Variants in XKR6 observed in about 807,000 individuals in gnomAD.
XKR6 encodes the protein XK related 6.
A neutral mutation model predicts 56.7 loss-of-function variants in XKR6; 22 were observed. The ratio of observed to expected loss-of-function variants is 0.39; its 90% CI spans 0.28 to 0.55. The LOEUF (loss-of-function observed/expected upper bound fraction) is 0.55, where lower values mean the gene tolerates loss of function less well. Ranked by LOEUF, XKR6 falls within the 20% of genes least tolerant of loss-of-function variation. The pLI, the probability that XKR6 is intolerant of heterozygous loss-of-function variation, is 0.66. For missense variants in XKR6, 852 were observed against 889.0 expected (o/e 0.96, Z 0.53); for synonymous variants, 524 against 387.8 (o/e 1.35, Z -4.13).
intron 1 of XKR6, among the ~76,000 whole-genome samples, chr8:11,027,893 C>A (rs899009825): frequency 6.6e-6 from 1 of 152,170 alleles, no homozygotes; most frequent in African/African-American, 2.4e-5. Flanking sequence ...CCTCTCCTCC[C>A]CCATTATCAA....
In XKR6 at chr8:10,921,514, A is replaced by G. The variant is rs1206570373; in HGVS notation, c.961+3120T>C. Among the ~76,000 whole-genome samples, 12 of 152,348 alleles carry G rather than the reference A, an allele frequency of 7.9e-5. No homozygotes were observed. In the East Asian group the frequency reaches 1.9e-3, roughly 25 times the overall value. ...TGCCCGTGGAGTTTGAAAGTTTACA[A>G]AGTGCTCTCTTGTGCATTATATCAT... On this transcript the variant is annotated intron_variant, in intron 2 of 2. Coordinates refer to ENST00000416569, the MANE Select transcript of XKR6 (RefSeq NM_173683.4).
At chr8:11,163,546 A>C (rs1715512423) in intron 1 of XKR6, among the ~76,000 whole-genome samples, 1 of 152,248 alleles carries the variant, frequency 6.6e-6, no homozygotes, top group Non-Finnish European at 1.5e-5. Flanking sequence ...CGACAAAATG[A>C]AGTCCTACAA....
intron 1 of XKR6, among the ~76,000 whole-genome samples, chr8:11,061,512 CTG>C (rs1245246793): frequency 2.0e-5 from 3 of 152,058 alleles, no homozygotes; most frequent in Non-Finnish European, 4.4e-5. Flanking sequence ...GGAACAGACA[CTG>C]TGACTAAAAG....
chr8:11,037,736 T>G (rs1169256987), intron 1 of XKR6, among the ~76,000 whole-genome samples: 1 of 151,970 alleles, frequency 6.6e-6, no homozygotes, highest in Non-Finnish European at 1.5e-5. Flanking sequence ...CGTGCGCCTG[T>G]AATCCCAGCT....
chr8:11,150,144 G>T (rs750571758), intron 1 of XKR6, among the ~76,000 whole-genome samples: 1 of 152,240 alleles, frequency 6.6e-6, no homozygotes, highest in Admixed American at 6.5e-5. Context: ...CGGTTAGAAG[G>T]TGTAAGTTCC....
At chr8:11,007,646 T>C (rs892419719) in intron 1 of XKR6, among the ~76,000 whole-genome samples, 1 of 151,732 alleles carries the variant, frequency 6.6e-6, no homozygotes, top group Non-Finnish European at 1.5e-5. Context: ...CAAAGCACAC[T>C]CGGTGGAAGA....
At position 10,924,968 on chromosome 8, in the gene XKR6, G is replaced by A. The variant is rs568405243; in HGVS notation, c.765-138C>T. ...CTCTGAAGTTCCCAGAGGCTTGGAC[G>A]GGGCTCTGGGGGGCTCCCGGCAAAA... On this transcript the variant is annotated intron_variant, in intron 1 of 2. Transcript: ENST00000416569. The A allele has an allele frequency of 8.4e-4, 712 of 846,220 alleles. 10 individuals are homozygous for A. The South Asian group carries it at 0.011, about 13-fold the overall frequency. 52.4% of individuals were successfully genotyped at this position (846,220 alleles called of 1,614,324 possible).
chr8:10,994,672 T>C (rs1369017322), intron 1 of XKR6, among the ~76,000 whole-genome samples: 10 of 152,232 alleles, frequency 6.6e-5, no homozygotes, highest in Non-Finnish European at 1.5e-4. Flanking sequence ...TCTCCACTTA[T>C]CTGCTTCTTA....
At chr8:11,008,709 C>T (rs771030723) in intron 1 of XKR6, among the ~76,000 whole-genome samples, 46 of 152,146 alleles carry the variant, frequency 3.0e-4, no homozygotes, top group Non-Finnish European at 5.9e-4. Flanking sequence ...ACCACCACCC[C>T]GGCCTCCCCA....
intron 1 of XKR6, among the ~76,000 whole-genome samples, chr8:11,051,020 C>A (rs1222966223): frequency 6.6e-6 from 1 of 152,156 alleles, no homozygotes; most frequent in Non-Finnish European, 1.5e-5. Flanking sequence ...AAAGAAACTA[C>A]CAGTATTGAC....
Position 11,178,676 on chromosome 8 carries a change from A to AATATATAT in XKR6, c.764+21892_764+21899dup, listed in dbSNP as rs375693953. On this transcript the variant is annotated intron_variant, in intron 1 of 2. Coordinates refer to ENST00000416569, the MANE Select transcript of XKR6 (RefSeq NM_173683.4). ...AAATATATATATATACACAGAGATA[A>AATATATAT]ATATATATATATATATGTATATCGG... Among the ~76,000 whole-genome samples the AATATATAT allele has an allele frequency of 7.2e-4, 96 of 132,928 alleles. 1 individual carries two copies. Among genetic ancestry groups the AATATATAT allele is most frequent in the Middle Eastern group, 7.5e-3 (2 of 268 alleles). The allele number at this position is 132,928 out of a possible 152,430, so 87.2% of individuals were successfully genotyped here.
At chr8:11,088,338 A>C (rs1353729926) in intron 1 of XKR6, among the ~76,000 whole-genome samples, 1 of 152,276 alleles carries the variant, frequency 6.6e-6, no homozygotes, top group Non-Finnish European at 1.5e-5. Flanking sequence ...TACACAGTCA[A>C]GCATAAAGCA....
chr8:10,924,941 T>C (rs1005815865), intron 1 of XKR6, 111 bp from the exon 2 acceptor site: 14 of 1,166,602 alleles, frequency 1.2e-5, no homozygotes, highest in African/African-American at 1.6e-5. Flanking sequence ...CAACTCCCTA[T>C]GCTCTGAAGT....
intron 1 of XKR6, among the ~76,000 whole-genome samples, chr8:11,114,901 C>G (rs922902911): frequency 2.0e-5 from 3 of 152,126 alleles, no homozygotes; most frequent in Non-Finnish European, 4.4e-5. Context: ...TGAAAACTAA[C>G]CTTTTTCTCT....
chr8:10,998,973 CCCATCAGGAAAACCTAGCTCCAGTGA>C, intron 1 of XKR6, among the ~76,000 whole-genome samples: 4 of 152,208 alleles, frequency 2.6e-5, no homozygotes, highest in Admixed American at 6.5e-5. Context: ...GTCTCAGATT[CCCATCAGGAAAACCTAGCTCCAGTGA>C]TTGTTCTGAG....
chr8:10,971,900 T>C (rs1802420334), intron 1 of XKR6, among the ~76,000 whole-genome samples: 1 of 152,266 alleles, frequency 6.6e-6, no homozygotes, highest in South Asian at 2.1e-4. Flanking sequence ...TCATATACAA[T>C]AAAGGAAATT....
rs538412256 is a variant in XKR6, at chr8:11,090,109, A to C, written c.764+110467T>G. On this transcript the variant is annotated intron_variant, in intron 1 of 2. Transcript: ENST00000416569. The stretch of plus-strand genomic sequence containing the variant: ...GTCTCCTTTTTATTTTCCCACACAG[A>C]GTCTTGCTCAGTCACCCAGGCTGGA... Among the ~76,000 whole-genome samples the C allele has an allele frequency of 5.3e-4, 80 of 152,304 alleles. No individual in the cohort carries two copies. In the South Asian group the frequency reaches 0.016, roughly 30 times the overall value.
Position 11,004,200 on chromosome 8 carries a change from G to A in XKR6, c.765-79370C>T, listed in dbSNP as rs888799820. Among the ~76,000 whole-genome samples the A allele has an allele frequency of 5.3e-5, 8 of 152,132 alleles. No homozygotes were observed. The South Asian group carries it at 8.3e-4, about 16-fold the overall frequency. On this transcript the variant is annotated intron_variant, in intron 1 of 2. Transcript: ENST00000416569. Reference sequence around the variant, plus strand: ...TTAAAAAGCTCCTGTGGGGCCGGGCGTGGTGGCTCACGCCTGTAATCCCAG... The same window carrying A: ...TTAAAAAGCTCCTGTGGGGCCGGGCATGGTGGCTCACGCCTGTAATCCCAG...
chr8:11,173,218 C>G (rs1802467610), intron 1 of XKR6, among the ~76,000 whole-genome samples: 1 of 151,210 alleles, frequency 6.6e-6, no homozygotes, highest in African/African-American at 2.4e-5. Flanking sequence ...GTGGCGGGCG[C>G]CTGTATTCCC....
Sources: gnomAD v4.1 joint callset for allele counts (sites outside exome capture counted in the v4.1 genomes callset) on GRCh38, gnomAD v4.1.1 for gene constraint, MANE v1.5 for transcripts, NCBI Gene and HGNC (gene_info 2026-07-23, HGNC 2026-07-21) for gene names.